The following PLCB4 variants were observed in gnomAD, a reference collection of about 807,000 sequenced individuals.
The protein encoded by PLCB4 is phospholipase C beta 4, also known as 1-phosphatidylinositol 4,5-bisphosphate phosphodiesterase beta-4.
Under a neutral mutation model 178.8 loss-of-function variants are expected in PLCB4, and 77 were observed. The observed-to-expected ratio is 0.43, with a 90% CI of 0.36 to 0.52. The LOEUF (loss-of-function observed/expected upper bound fraction) is 0.52, where lower values mean the gene tolerates loss of function less well. Among genes scored for constraint, PLCB4 ranks in the 20% least tolerant of loss-of-function variants. The probability of loss-of-function intolerance (pLI) is 0.00; values close to 1 mark genes in which losing one functional copy is unlikely to be tolerated. For missense variants in PLCB4, 1,024 were observed against 1,453.4 expected (o/e 0.70, Z 4.80); for synonymous variants, 496 against 490.8 (o/e 1.01, Z -0.14).
At chr20:9,078,511 G>A (rs542480661) in intron 1 of PLCB4, among the ~76,000 whole-genome samples, 6 of 151,848 alleles carry the variant, frequency 4.0e-5, no homozygotes, top group South Asian at 2.1e-4. Flanking sequence ...ACAGGTGTGT[G>A]CCACCAAGCC....
At chr20:9,432,672 G>A (rs895305957) in intron 28 of PLCB4, among the ~76,000 whole-genome samples, 1 of 152,178 alleles carries the variant, frequency 6.6e-6, no homozygotes, top group African/African-American at 2.4e-5. Flanking sequence ...AAAAGTCTAG[G>A]TTGGTCAAAT....
At chr20:9,352,488 T>C (rs554977773) in intron 7 of PLCB4, among the ~76,000 whole-genome samples, 1 of 152,336 alleles carries the variant, frequency 6.6e-6, no homozygotes, top group African/African-American at 2.4e-5. Flanking sequence ...CAAAGCCATT[T>C]GGTATGGAAG....
chr20:9,159,650 A>G (rs1278176154), intron 2 of PLCB4, among the ~76,000 whole-genome samples: 1 of 152,194 alleles, frequency 6.6e-6, no homozygotes, highest in Non-Finnish European at 1.5e-5. Context: ...TTTACAGTAT[A>G]TGAATTCTTA....
intron 29 of PLCB4, among the ~76,000 whole-genome samples, chr20:9,436,001 A>C (rs889669436): frequency 1.3e-5 from 2 of 152,090 alleles, no homozygotes; most frequent in Non-Finnish European, 2.9e-5. Context: ...AAAATTCAAA[A>C]CCTTTTGAGT....
At chr20:9,441,557 G>A (rs1359172231) in intron 30 of PLCB4, among the ~76,000 whole-genome samples, 1 of 152,172 alleles carries the variant, frequency 6.6e-6, no homozygotes, top group Non-Finnish European at 1.5e-5. Flanking sequence ...TAATTAGAAT[G>A]TTTTAAAGCC....
At chr20:9,082,276 C>T (rs963615909) in intron 1 of PLCB4, among the ~76,000 whole-genome samples, 7 of 152,198 alleles carry the variant, frequency 4.6e-5, no homozygotes, top group Middle Eastern at 3.4e-3. Context: ...CAGTGCCAAA[C>T]AGAGAAAGCA....
rs978529707 is a variant in PLCB4 at position 9,435,459 on chromosome 20, C to A, written c.2525-101C>A. 1.3e-5 allele frequency: 9 copies of A among 690,198 alleles called. No homozygotes were observed. The African/African-American group carries it at 1.6e-4, about 12-fold the overall frequency. 42.8% of individuals were successfully genotyped at this position (690,198 alleles called of 1,614,324 possible). A position where few individuals can be genotyped will look rare whatever the true frequency, so the allele number is the denominator to read the frequency against. ...CTAGGAAAAGATTATTAACAGAAAG[C>A]ACAACAGGTATCCAGGATTGTAGTT... On this transcript the variant is annotated intron_variant, in intron 28 of 39. Transcript: ENST00000378473.
At chr20:9,196,802 G>C (rs112962743) in intron 2 of PLCB4, among the ~76,000 whole-genome samples, 1 of 152,142 alleles carries the variant, frequency 6.6e-6, no homozygotes, top group Non-Finnish European at 1.5e-5. Flanking sequence ...TAGTACAAAG[G>C]TTCTCAGTAA....
chr20:9,385,187 G>C (rs1431907298), intron 14 of PLCB4, among the ~76,000 whole-genome samples: 1 of 152,146 alleles, frequency 6.6e-6, no homozygotes, highest in Non-Finnish European at 1.5e-5. Context: ...GAACAAAATG[G>C]TGTCTCCTAT....
chr20:9,084,193 T>G (rs2090293206), intron 1 of PLCB4, among the ~76,000 whole-genome samples: 3 of 152,226 alleles, frequency 2.0e-5, no homozygotes, highest in Admixed American at 2.0e-4. Context: ...ATAAATCATG[T>G]CTTTCTTTAG....
chr20:9,383,869 G>T (rs2148367805), intron 13 of PLCB4, among the ~76,000 whole-genome samples: 1 of 152,264 alleles, frequency 6.6e-6, no homozygotes, highest in Middle Eastern at 3.4e-3. Context: ...AGGAGCCAAA[G>T]GAGTGAGTAG....
chr20:9,212,442 A>G (rs980711818), intron 2 of PLCB4, among the ~76,000 whole-genome samples: 1 of 152,202 alleles, frequency 6.6e-6, no homozygotes, highest in Non-Finnish European at 1.5e-5. Context: ...TTCAGTACAT[A>G]TATAGATTCA....
At chr20:9,365,352 C>T (rs1310585285) in intron 8 of PLCB4, 109 bp from the exon 9 acceptor site, 1 of 681,554 alleles carries the variant, frequency 1.5e-6, no homozygotes, top group African/African-American at 1.8e-5. Flanking sequence ...GTCTGATTTT[C>T]AGAACCAATG....
intron 8 of PLCB4, among the ~76,000 whole-genome samples, chr20:9,364,913 GGC>G (rs2035643242): frequency 6.6e-6 from 1 of 152,206 alleles, no homozygotes; most frequent in Non-Finnish European, 1.5e-5. Flanking sequence ...AAATTAAGGA[GGC>G]GCCCATGTGA....
At chr20:9,453,270 G>C (rs777107184) in intron 32 of PLCB4, 77 bp from the exon 33 acceptor site, 4 of 816,484 alleles carry the variant, frequency 4.9e-6, no homozygotes, top group Admixed American at 4.3e-5. Context: ...AGGGAAGCTG[G>C]TGAAAGTTAT....
chr20:9,177,130 A>G (rs1266307818), intron 2 of PLCB4, among the ~76,000 whole-genome samples: 1 of 152,224 alleles, frequency 6.6e-6, no homozygotes, highest in Non-Finnish European at 1.5e-5. Flanking sequence ...GGAGACAGAA[A>G]AAGTCAGATT....
At position 9,384,286 on chromosome 20, in the gene PLCB4, A is replaced by G; in HGVS notation, c.939A>G (p.Gln313=). Residue 313 remains glutamine (Q), a synonymous_variant, in exon 14 of 40, where the codon CAA becomes CAG. Coordinates refer to ENST00000378473, the MANE Select transcript of PLCB4 (RefSeq NM_001377142.1). ...PVFLDRLELY[Q]EMDHPLAHYF... is the part of the protein sequence containing the mutation. Reference sequence around the variant, plus strand: ...TCCTAGATCGTTTAGAACTTTACCAAGAAATGGACCATCCTCTGGCTCACT... The same window carrying G: ...TCCTAGATCGTTTAGAACTTTACCAGGAAATGGACCATCCTCTGGCTCACT... 1 of 1,614,080 alleles carries G rather than the reference A, an allele frequency of 6.2e-7. No homozygotes were observed.
At chr20:9,381,811 C>T (rs1053659652) in intron 13 of PLCB4, among the ~76,000 whole-genome samples, 1 of 152,140 alleles carries the variant, frequency 6.6e-6, no homozygotes, top group African/African-American at 2.4e-5. Flanking sequence ...TTATACAGCC[C>T]AGCATTTTCA....
At chr20:9,407,253 G>T (rs2039510962) in intron 21 of PLCB4, among the ~76,000 whole-genome samples, 2 of 152,140 alleles carry the variant, frequency 1.3e-5, no homozygotes, top group Admixed American at 1.3e-4. Flanking sequence ...AGTCTTCCAG[G>T]TGATTCTGAT....
Sources: allele counts gnomAD v4.1 joint callset (sites outside exome capture counted in the v4.1 genomes callset), GRCh38; gene constraint gnomAD v4.1.1; transcripts MANE v1.5; gene names NCBI Gene and HGNC (gene_info 2026-07-23, HGNC 2026-07-21).